The following CADPS variants were observed in gnomAD, a reference collection of about 807,000 sequenced individuals.
The protein encoded by CADPS is calcium-dependent secretion activator 1.
CADPS carries 57 observed loss-of-function variants against 167.3 expected under a neutral mutation model. The observed-to-expected ratio is 0.34, with a 90% CI of 0.28 to 0.42. CADPS has a LOEUF of 0.42. Ranked by LOEUF, CADPS falls within the 20% of genes least tolerant of loss-of-function variation. The pLI is 1.00. For missense variants in CADPS, 1,414 were observed against 1,738.1 expected, an observed-to-expected ratio of 0.81 and a Z score of 3.32; for synonymous variants, 676 against 635.3, an observed-to-expected ratio of 1.06 and a Z score of -0.96.
chr3:62,742,464 A>T (rs1455162109), intron 3 of CADPS, among the ~76,000 whole-genome samples: 1 of 152,162 alleles, frequency 6.6e-6, no homozygotes, highest in East Asian at 1.9e-4. Context: ...GAACCCAAAA[A>T]TAAGACTTTA....
chr3:62,469,086 G>A (rs1355927345), intron 24 of CADPS, among the ~76,000 whole-genome samples: 1 of 152,154 alleles, frequency 6.6e-6, no homozygotes, highest in Non-Finnish European at 1.5e-5. Context: ...TTTGTTGTAT[G>A]TAAATTATGC....
intron 11 of CADPS, among the ~76,000 whole-genome samples, chr3:62,536,790 A>G (rs2074770293): frequency 1.3e-5 from 2 of 152,164 alleles, no homozygotes; most frequent in Admixed American, 1.3e-4. Flanking sequence ...AGGCAAGAAG[A>G]TATTGGCATC....
chr3:62,424,105 A>C (rs2052074930), intron 28 of CADPS, among the ~76,000 whole-genome samples: 1 of 152,168 alleles, frequency 6.6e-6, no homozygotes, highest in Admixed American at 6.5e-5. Flanking sequence ...CTGTAGCCCC[A>C]TCTTCTAGAG....
intron 3 of CADPS, among the ~76,000 whole-genome samples, chr3:62,683,794 C>A (rs748162306): frequency 7.9e-5 from 12 of 151,944 alleles, no homozygotes; most frequent in Non-Finnish European, 1.5e-4. Flanking sequence ...GAGTACTGGT[C>A]AGGTATTTTG....
chr3:62,439,878 G>A (rs1457746937), intron 27 of CADPS: 1 of 152,034 alleles, frequency 6.6e-6, no homozygotes, highest in Non-Finnish European at 1.5e-5. Flanking sequence ...CTCTTTTCAC[G>A]AAGTTTCACT....
intron 26 of CADPS, among the ~76,000 whole-genome samples, chr3:62,456,478 C>T (rs886110461): frequency 2.3e-4 from 35 of 152,176 alleles, no homozygotes; most frequent in African/African-American, 8.4e-4. Context: ...TCCTCTGTTA[C>T]AAATGAAAAT....
intron 3 of CADPS, among the ~76,000 whole-genome samples, chr3:62,682,314 G>A (rs2077271982): frequency 6.6e-6 from 1 of 152,010 alleles, no homozygotes; most frequent in African/African-American, 2.4e-5. Flanking sequence ...CCCCTAGGAA[G>A]CAGTGAATCA....
At chr3:62,469,909 G>T (rs1044768057) in intron 24 of CADPS, among the ~76,000 whole-genome samples, 1 of 152,134 alleles carries the variant, frequency 6.6e-6, no homozygotes, top group African/African-American at 2.4e-5. Flanking sequence ...GTTCACTTTT[G>T]CTTCTGATGG....
chr3:62,786,708 A>AATCATCTTAT (rs1261599272), intron 1 of CADPS, among the ~76,000 whole-genome samples: 1 of 152,172 alleles, frequency 6.6e-6, no homozygotes, highest in African/African-American at 2.4e-5. Flanking sequence ...AAGTATTGTA[A>AATCATCTTAT]ATCATCTTAT....
At chr3:62,641,646 T>A (rs932710179) in intron 6 of CADPS, among the ~76,000 whole-genome samples, 12 of 152,074 alleles carry the variant, frequency 7.9e-5, no homozygotes, top group Admixed American at 5.9e-4. Context: ...AACAACCTAT[T>A]GCAAATGGAG....
chr3:62,566,532 G>A lies in CADPS; in HGVS notation c.1644+4340C>T, dbSNP rs556775086. 6.1e-4 allele frequency among the ~76,000 whole-genome samples: 93 copies of A among 152,134 alleles called. 2 individuals carry two copies. In the South Asian group the frequency reaches 0.019, roughly 32 times the overall value. ...ATTGGGGTTGTTTCAAAGGGAGTGT[G>A]TTTTTTTCTTTATGATATTGATAAA... On this transcript the variant is annotated intron_variant, in intron 9 of 29. Coordinates refer to ENST00000383710, the MANE Select transcript of CADPS (RefSeq NM_003716.4).
intron 4 of CADPS, among the ~76,000 whole-genome samples, chr3:62,655,713 G>C (rs765485540): frequency 7.9e-5 from 12 of 152,078 alleles, no homozygotes; most frequent in East Asian, 1.9e-4. Flanking sequence ...TGACAAAGTT[G>C]GTGGGTGATC....
At chr3:62,576,787 C>T (rs1300634952) in intron 8 of CADPS, among the ~76,000 whole-genome samples, 1 of 44,856 alleles carries the variant, frequency 2.2e-5, no homozygotes, top group Non-Finnish European at 3.5e-5. Context: ...AAGACTCTGT[C>T]TAAAAAAAAA....
chr3:62,531,231 TC>T (rs2073606085), intron 13 of CADPS, among the ~76,000 whole-genome samples: 1 of 152,108 alleles, frequency 6.6e-6, no homozygotes, highest in Non-Finnish European at 1.5e-5. Context: ...CTTCTCTCTC[TC>T]TCTCTCTCTC....
chr3:62,537,625 G>A (rs755943242), intron 11 of CADPS, among the ~76,000 whole-genome samples: 5 of 152,156 alleles, frequency 3.3e-5, no homozygotes, highest in African/African-American at 4.8e-5. Flanking sequence ...ACTGGAATAC[G>A]GGGACCTGCC....
At chr3:62,645,018 A>G (rs887943251) in intron 6 of CADPS, among the ~76,000 whole-genome samples, 3 of 152,236 alleles carry the variant, frequency 2.0e-5, no homozygotes, top group Non-Finnish European at 2.9e-5. Flanking sequence ...ACTAAATTGT[A>G]TTGACCCAAT....
chr3:62,853,876 A>T (rs2079124419), intron 1 of CADPS, among the ~76,000 whole-genome samples: 1 of 152,130 alleles, frequency 6.6e-6, no homozygotes, highest in Admixed American at 6.6e-5. Context: ...GGATCGCTTC[A>T]GCCTGGGAGG....
chr3:62,696,239 A>G (rs1487617560), intron 3 of CADPS, among the ~76,000 whole-genome samples: 1 of 152,068 alleles, frequency 6.6e-6, no homozygotes, highest in Non-Finnish European at 1.5e-5. Flanking sequence ...TCTGCCAATT[A>G]GTGATGCTAT....
chr3:62,584,070 T>C (rs2084044418), intron 8 of CADPS, among the ~76,000 whole-genome samples: 1 of 150,652 alleles, frequency 6.6e-6, no homozygotes, highest in Non-Finnish European at 1.5e-5. Context: ...AGTGGTGCAA[T>C]CTTGGCTCAC....
Sources: gnomAD v4.1 joint callset for allele counts (sites outside exome capture counted in the v4.1 genomes callset) on GRCh38, gnomAD v4.1.1 for gene constraint, MANE v1.5 for transcripts, NCBI Gene and HGNC (gene_info 2026-07-23, HGNC 2026-07-21) for gene names.